The following PREPL variants were observed in gnomAD, a reference collection of about 807,000 sequenced individuals.
PREPL encodes prolyl endopeptidase-like.
PREPL carries 77 observed loss-of-function variants against 70.6 expected under a neutral mutation model. That is an observed-to-expected ratio of 1.09 (90% CI 0.91 to 1.32). PREPL has a LOEUF of 1.32. PREPL is among the 40% of genes most tolerant of loss of function. PREPL has a pLI of 0.00. For synonymous variants in PREPL, 315 were observed against 264.8 expected (o/e 1.19, Z -1.84); for missense variants, 1,002 against 778.2 (o/e 1.29, Z -3.42).
rs148349048 is a variant in PREPL, at chr2:44,357,107, G to C, written c.-49+4273C>G. ...TGGCGTGAGCCAGTATGCCTGATCAGAACTCCCTATTTTTTTCAGTCAGGA... is the reference window on the plus strand; with the variant it reads ...TGGCGTGAGCCAGTATGCCTGATCACAACTCCCTATTTTTTTCAGTCAGGA... On this transcript the variant is annotated intron_variant, in intron 1 of 13. Coordinates refer to ENST00000409411, the MANE Select transcript of PREPL (RefSeq NM_001171613.2). Among the ~76,000 whole-genome samples the C allele has an allele frequency of 1.0e-2, 1,522 of 152,284 alleles. 9 individuals carry two copies. Among genetic ancestry groups the C allele is most frequent in the Admixed American group, 0.014 (208 of 15,286 alleles).
intron 8 of PREPL, among the ~76,000 whole-genome samples, chr2:44,329,937 A>C (rs1673920766): frequency 6.6e-6 from 1 of 152,222 alleles, no homozygotes; most frequent in African/African-American, 2.4e-5. Context: ...TTACATAAAG[A>C]AAATAAATAA....
chr2:44,356,039 C>T (rs1572579119), intron 1 of PREPL, among the ~76,000 whole-genome samples: 1 of 152,152 alleles, frequency 6.6e-6, no homozygotes. Flanking sequence ...CACTGGCTGG[C>T]TTGTAAGTAT....
At chr2:44,337,572 T>TA (rs1674763447) in intron 7 of PREPL, among the ~76,000 whole-genome samples, 1 of 152,240 alleles carries the variant, frequency 6.6e-6, no homozygotes, top group South Asian at 2.1e-4. Context: ...ATAAATGGTC[T>TA]ATGCTGTTTG....
At chr2:44,352,156 C>A (rs963961321) in intron 1 of PREPL, among the ~76,000 whole-genome samples, 1 of 152,154 alleles carries the variant, frequency 6.6e-6, no homozygotes, top group Non-Finnish European at 1.5e-5. Context: ...AAAATAACAC[C>A]CCTCCCTATC....
chr2:44,339,211 T>A lies in PREPL; in HGVS notation c.638A>T (p.Tyr213Phe), dbSNP rs947243243. 1 of 1,614,056 alleles carries A rather than the reference T, an allele frequency of 6.2e-7. No individual in the cohort carries two copies. The highest frequency in any genetic ancestry group is 1.7e-5 in the Admixed American group (1 of 60,006). Residue 213 changes from tyrosine (Y) to phenylalanine (F), a missense_variant, in exon 6 of 14, where the codon TAT (tyrosine) becomes TTT (phenylalanine). Physicochemically the swap from Tyr to Phe is conservative, Grantham distance 22. Transcript: ENST00000409411. The stretch of plus-strand genomic sequence containing the variant: ...TAATTCATCATCTCTGTGTTCAACA[T>A]AGTAAAGGACCCCATGTATTCGCTT... ...IQKRIHGVLY[Y>F]VEHRDDELYI... is the part of the protein sequence containing the mutation.
intron 4 of PREPL, among the ~76,000 whole-genome samples, chr2:44,343,168 C>T (rs553577350): frequency 2.6e-5 from 4 of 152,214 alleles, no homozygotes; most frequent in African/African-American, 9.6e-5. Context: ...GGTATAATTT[C>T]AATTCACTGC....
At chr2:44,351,118 A>G (rs1016109995) in intron 1 of PREPL, among the ~76,000 whole-genome samples, 5 of 141,878 alleles carry the variant, frequency 3.5e-5, no homozygotes, top group African/African-American at 1.0e-4. Flanking sequence ...TATTTTTAGT[A>G]GAGATGGGGT....
Position 44,343,762 on chromosome 2 carries a change from G to A in PREPL, c.332C>T (p.Pro111Leu), listed in dbSNP as rs369303884. The change falls in exon 4 of 14, where the codon CCG becomes CTG. Residue 111 changes from proline (P) to leucine (L), a missense_variant. Transcript: ENST00000409411. ...TGGCTTACCAAAACTGGACACATTC[G>A]GGAAAGAAGCTTCCATTACGGGCTG... is the stretch of plus-strand genomic sequence containing the variant. ...SDQPVMEASFPNVSSFEWVKD... is the reference protein window; with the variant it reads ...SDQPVMEASFLNVSSFEWVKD... 2.2e-5 allele frequency: 36 copies of A among 1,613,408 alleles called. 2 individuals are homozygous for A. In the South Asian group the frequency reaches 2.4e-4, roughly 11 times the overall value.
intron 1 of PREPL, among the ~76,000 whole-genome samples, chr2:44,346,786 G>T (rs1227452656): frequency 6.6e-6 from 1 of 151,832 alleles, no homozygotes; most frequent in Admixed American, 6.6e-5. Context: ...AATCTTTCGC[G>T]TTTAGGAAGT....
chr2:44,344,839 A>G (rs1262054351), intron 2 of PREPL, among the ~76,000 whole-genome samples: 3 of 152,236 alleles, frequency 2.0e-5, no homozygotes, highest in Admixed American at 1.3e-4. Context: ...AAGGTATAAC[A>G]AAATCTGTCA....
intron 10 of PREPL, 140 bp from the exon 11 acceptor site, chr2:44,323,551 C>G (rs1673194996): frequency 3.3e-6 from 2 of 609,274 alleles, no homozygotes; most frequent in South Asian, 6.8e-5. Flanking sequence ...AGCTAGAATA[C>G]TCAGTCCTTA....
At chr2:44,359,898 C>A (rs1330997398) in intron 1 of PREPL, 2 of 559,004 alleles carry the variant, frequency 3.6e-6, no homozygotes, top group Non-Finnish European at 6.3e-6. Flanking sequence ...CTTAGGCTAA[C>A]TAAATCTAAA....
intron 1 of PREPL, among the ~76,000 whole-genome samples, chr2:44,356,937 T>C (rs1677111565): frequency 6.6e-6 from 1 of 152,174 alleles, no homozygotes; most frequent in Non-Finnish European, 1.5e-5. Flanking sequence ...TCCAAGCAGC[T>C]GGGATTACAG....
chr2:44,357,766 C>T (rs556895338), intron 1 of PREPL, among the ~76,000 whole-genome samples: 1 of 152,130 alleles, frequency 6.6e-6, no homozygotes, highest in Non-Finnish European at 1.5e-5. Flanking sequence ...ATGTTCTAAA[C>T]ACAATGCAAA....
intron 1 of PREPL, chr2:44,359,861 T>TTC (rs1218015965): frequency 3.3e-6 from 2 of 601,110 alleles, no homozygotes; most frequent in Non-Finnish European, 5.9e-6. Context: ...CCCACTTAGG[T>TTC]TATGAATAAC....
At chr2:44,345,255 G>A (rs1022910083) in intron 2 of PREPL, among the ~76,000 whole-genome samples, 2 of 152,068 alleles carry the variant, frequency 1.3e-5, no homozygotes, top group African/African-American at 2.4e-5. Context: ...TTTGAATCTG[G>A]AGATCCTTAT....
In PREPL at chr2:44,332,622, G is replaced by C; in HGVS notation, c.923C>G (p.Thr308Arg). The C allele has an allele frequency of 1.2e-6, 2 of 1,613,896 alleles. No individual in the cohort carries two copies. The highest frequency in any genetic ancestry group is 1.7e-6 in the Non-Finnish European group (2 of 1,179,808). ...PPWACGFIMD[T>R]NSDPKNCPFQ... ...GGGGCAGTTCTTTGGGTCAGAATTT[G>C]TATCCATTATGAATCCACAGGCCCA... The change falls in exon 8 of 14, where the codon ACA (threonine) becomes AGA (arginine). Residue 308 changes from threonine to arginine, a missense_variant. Transcript: ENST00000409411.
chr2:44,357,116 A>G (rs1035708153), intron 1 of PREPL, among the ~76,000 whole-genome samples: 1 of 151,914 alleles, frequency 6.6e-6, no homozygotes, highest in Non-Finnish European at 1.5e-5. Context: ...AGAACTCCCT[A>G]TTTTTTTCAG....
chr2:44,323,170 A>C, intron 11 of PREPL, 92 bp downstream of exon 11: 1 of 1,260,134 alleles, frequency 7.9e-7, no homozygotes, highest in Non-Finnish European at 1.1e-6. Flanking sequence ...AACATCTCTA[A>C]AGCTCCTATT....
Sources: gnomAD v4.1 joint callset for allele counts (sites outside exome capture counted in the v4.1 genomes callset) on GRCh38, gnomAD v4.1.1 for gene constraint, MANE v1.5 for transcripts, NCBI Gene and HGNC (gene_info 2026-07-23, HGNC 2026-07-21) for gene names.